SUMF1: variants seen among roughly 807,000 people sequenced by gnomAD.
SUMF1 encodes formylglycine-generating enzyme.
Under a neutral mutation model 47.6 loss-of-function variants are expected in SUMF1, and 48 were observed. That is an observed-to-expected ratio of 1.01 (90% CI 0.80 to 1.28). The LOEUF is 1.28. Ranked by LOEUF, SUMF1 falls within the 50% of genes most tolerant of loss-of-function variation. The pLI, the probability that SUMF1 is intolerant of heterozygous loss-of-function variation, is 0.00. For missense variants in SUMF1, 571 were observed against 485.4 expected, an observed-to-expected ratio of 1.18 and a Z score of -1.66; for synonymous variants, 230 against 192.1, an observed-to-expected ratio of 1.20 and a Z score of -1.63.
Position 4,286,980 on chromosome 3 carries a change from C to G in SUMF1, c.1014+89350G>C, listed in dbSNP as rs541454175. 4.6e-5 allele frequency among the ~76,000 whole-genome samples: 7 copies of G among 152,250 alleles called. No homozygotes were observed. In the South Asian group the frequency reaches 1.4e-3, roughly 32 times the overall value. The stretch of plus-strand genomic sequence containing the variant: ...ATGCCTGGGATACCCGAGATCATTA[C>G]AGGTGGTCTGCAATGTCAAAATTAT... On this transcript the variant is annotated intron_variant and NMD_transcript_variant, in intron 8 of 12. Coordinates refer to the SUMF1 transcript ENST00000448413.
intron 8 of SUMF1, among the ~76,000 whole-genome samples, chr3:4,296,605 TACTC>T (rs1445860120): frequency 6.6e-6 from 1 of 152,106 alleles, no homozygotes; most frequent in Non-Finnish European, 1.5e-5. Flanking sequence ...TCATGAGACT[TACTC>T]ACTATCAGGA....
At chr3:4,241,070 G>T (rs1425212421) in intron 8 of SUMF1, among the ~76,000 whole-genome samples, 1 of 152,044 alleles carries the variant, frequency 6.6e-6, no homozygotes, top group Non-Finnish European at 1.5e-5. Context: ...ATTAGTAGTG[G>T]TTGGTTTATT....
intron 7 of SUMF1, among the ~76,000 whole-genome samples, chr3:4,380,251 G>C (rs902338194): frequency 6.6e-6 from 1 of 152,198 alleles, no homozygotes; most frequent in African/African-American, 2.4e-5. Flanking sequence ...AAAAAAGAAT[G>C]ACTCATGTCC....
At chr3:4,069,760 T>G (rs73119839) in intron 8 of SUMF1, among the ~76,000 whole-genome samples, 16,555 of 152,176 alleles carry the variant, frequency 0.11, 1,830 homozygotes, top group African/African-American at 0.26. Flanking sequence ...GACTTACTTT[T>G]CAATCTGACT....
chr3:4,245,112 A>C (rs1388821376), intron 8 of SUMF1, among the ~76,000 whole-genome samples: 1 of 151,704 alleles, frequency 6.6e-6, no homozygotes, highest in Non-Finnish European at 1.5e-5. Context: ...TCTTCTCTAC[A>C]CTGGTTATTC....
chr3:4,397,120 C>T (rs1363975999), intron 7 of SUMF1, among the ~76,000 whole-genome samples: 3 of 152,214 alleles, frequency 2.0e-5, no homozygotes, highest in African/African-American at 7.2e-5. Context: ...AAGTGTAACA[C>T]ACTAATATGC....
intron 8 of SUMF1, among the ~76,000 whole-genome samples, chr3:4,198,803 G>A (rs1400508514): frequency 1.3e-5 from 2 of 151,898 alleles, no homozygotes; most frequent in Non-Finnish European, 2.9e-5. Flanking sequence ...AGCATATGCT[G>A]TAATGTACAT....
chr3:4,239,219 G>T (rs184810475), intron 8 of SUMF1, among the ~76,000 whole-genome samples: 1 of 152,184 alleles, frequency 6.6e-6, no homozygotes, highest in Non-Finnish European at 1.5e-5. Context: ...GATGCCTCCA[G>T]CTTTGTTCTT....
intron 8 of SUMF1, among the ~76,000 whole-genome samples, chr3:4,105,311 G>T (rs556548168): frequency 6.6e-6 from 1 of 152,230 alleles, no homozygotes; most frequent in African/African-American, 2.4e-5. Flanking sequence ...GAGATCTCTC[G>T]CATAGGCTGG....
intron 8 of SUMF1, among the ~76,000 whole-genome samples, chr3:4,240,348 C>T (rs1405355125): frequency 1.3e-5 from 2 of 152,150 alleles, no homozygotes; most frequent in African/African-American, 4.8e-5. Context: ...GGAAACTCCT[C>T]TTTGTACCTC....
At chr3:4,170,415 T>C (rs1211428917) in intron 8 of SUMF1, among the ~76,000 whole-genome samples, 4 of 152,200 alleles carry the variant, frequency 2.6e-5, no homozygotes, top group Non-Finnish European at 5.9e-5. Flanking sequence ...CAAGTTCCAA[T>C]GGCCACACTT....
At chr3:4,206,870 AGTT>A (rs958397206) in intron 8 of SUMF1, among the ~76,000 whole-genome samples, 7 of 152,104 alleles carry the variant, frequency 4.6e-5, no homozygotes, top group African/African-American at 1.7e-4. Flanking sequence ...TTTAGGAACT[AGTT>A]GTCAATTTCT....
At chr3:4,374,809 A>T (rs560546002) in intron 8 of SUMF1, among the ~76,000 whole-genome samples, 22 of 152,308 alleles carry the variant, frequency 1.4e-4, no homozygotes, top group African/African-American at 5.3e-4. Flanking sequence ...TCTGATGTAT[A>T]CGTGAACATG....
intron 8 of SUMF1, among the ~76,000 whole-genome samples, chr3:4,250,455 C>T (rs1278972494): frequency 2.0e-5 from 3 of 152,072 alleles, no homozygotes; most frequent in Non-Finnish European, 4.4e-5. Flanking sequence ...GATGGAGAAG[C>T]TGCAGCAAGC....
intron 8 of SUMF1, among the ~76,000 whole-genome samples, chr3:4,076,790 G>C (rs1692446900): frequency 6.6e-6 from 1 of 152,086 alleles, no homozygotes; most frequent in Non-Finnish European, 1.5e-5. Context: ...AGGAGGTCAG[G>C]AGATCCAGAC....
At chr3:4,186,958 G>A (rs546756845) in intron 8 of SUMF1, among the ~76,000 whole-genome samples, 6 of 152,164 alleles carry the variant, frequency 3.9e-5, no homozygotes, top group South Asian at 2.1e-4. Flanking sequence ...TACGTAACAC[G>A]TACAAACCAA....
intron 8 of SUMF1, among the ~76,000 whole-genome samples, chr3:4,284,725 GAAAA>G (rs537189350): frequency 6.8e-6 from 1 of 147,830 alleles, no homozygotes; most frequent in Non-Finnish European, 1.5e-5. Flanking sequence ...AAAAACTCCT[GAAAA>G]AAAAAATAGT....
chr3:4,062,472 G>C lies in SUMF1; in HGVS notation c.1191+6097C>G, dbSNP rs541060828. Among the ~76,000 whole-genome samples, 86 of 152,266 alleles carry C rather than the reference G, an allele frequency of 5.6e-4. 1 individual carries two copies. The highest frequency in any genetic ancestry group is 2.0e-3 in the African/African-American group (82 of 41,534). Reference sequence around the variant, plus strand: ...TGTTGCTGCCAGACGAGGTGTCAGAGTCCCAGCATCAGGAAGTGGTTGGTT... The same window carrying C: ...TGTTGCTGCCAGACGAGGTGTCAGACTCCCAGCATCAGGAAGTGGTTGGTT... On this transcript the variant is annotated intron_variant and NMD_transcript_variant, in intron 9 of 12. Coordinates refer to the SUMF1 transcript ENST00000448413.
In SUMF1 at chr3:4,459,165, G is replaced by A. The variant is rs150676913; in HGVS notation, c.271-6116C>T. ...TAATAAGTAATGCATTATATATTTC[G>A]CAATTATTAAAAAATAGATTTTAAA... On this transcript the variant is annotated intron_variant, in intron 1 of 8. Coordinates refer to ENST00000272902, the MANE Select transcript of SUMF1 (RefSeq NM_182760.4). Among the ~76,000 whole-genome samples, 375 of 152,066 alleles carry A rather than the reference G, an allele frequency of 2.5e-3. 1 individual carries two copies. The highest frequency in any genetic ancestry group is 8.6e-3 in the African/African-American group (358 of 41,464).
Sources: gnomAD v4.1 joint callset for allele counts (sites outside exome capture counted in the v4.1 genomes callset) on GRCh38, gnomAD v4.1.1 for gene constraint, MANE v1.5 for transcripts, NCBI Gene and HGNC (gene_info 2026-07-23, HGNC 2026-07-21) for gene names.